The following XKR9 variants were observed in gnomAD, a reference collection of about 807,000 sequenced individuals.
XKR9 encodes XK-related protein 9.
In XKR9, 32 loss-of-function variants were observed where a neutral mutation model predicts 32.0. The observed-to-expected ratio is 1.00, with a 90% CI of 0.76 to 1.34. The LOEUF is 1.34. Ranked by LOEUF, XKR9 falls within the 40% of genes most tolerant of loss-of-function variation. The pLI, the probability that XKR9 is intolerant of heterozygous loss-of-function variation, is 0.00. For synonymous variants in XKR9, 168 were observed against 143.4 expected (o/e 1.17, Z -1.22); for missense variants, 546 against 429.7 (o/e 1.27, Z -2.39).
At chr8:70,996,359 T>C in the XKR9 span, among the ~76,000 whole-genome samples, 3 of 152,350 alleles carry the variant, frequency 2.0e-5, no homozygotes, top group South Asian at 6.2e-4. Context: ...TTTGAACAAC[T>C]TGTGGCAATT....
At chr8:70,882,796 TAG>T in the XKR9 span, among the ~76,000 whole-genome samples, 1 of 151,964 alleles carries the variant, frequency 6.6e-6, no homozygotes, top group Non-Finnish European at 1.5e-5. Flanking sequence ...CAGTTTACAT[TAG>T]AGTTCATTTT....
At chr8:70,888,772 G>C in the XKR9 span, among the ~76,000 whole-genome samples, 124 of 151,970 alleles carry the variant, frequency 8.2e-4, no homozygotes, top group African/African-American at 3.0e-3. Flanking sequence ...GTAAATGCAT[G>C]GACTTATATG....
chr8:70,854,974 C>T, the XKR9 span, among the ~76,000 whole-genome samples: 1 of 152,070 alleles, frequency 6.6e-6, no homozygotes, highest in Non-Finnish European at 1.5e-5. Context: ...CAGCTTTGTT[C>T]TTTTGGCTTA....
intron 4 of XKR9, among the ~76,000 whole-genome samples, chr8:70,730,613 G>T (rs1014658454): frequency 6.6e-6 from 1 of 152,022 alleles, no homozygotes; most frequent in Non-Finnish European, 1.5e-5. Flanking sequence ...TCTCCCCAAG[G>T]GTAGTTCAGA....
the XKR9 span, among the ~76,000 whole-genome samples, chr8:70,901,647 A>G: frequency 6.6e-6 from 1 of 152,190 alleles, no homozygotes; most frequent in Non-Finnish European, 1.5e-5. Flanking sequence ...TTTGCTGTGC[A>G]GAAGCTCTTT....
Position 70,753,184 on chromosome 8 carries a change from C to T in XKR9, n.353-36155C>T, listed in dbSNP as rs28759795. The stretch of plus-strand genomic sequence containing the variant: ...ATCTAGAAGAAATGGATAAATTCCT[C>T]GACACATACACCCTCCCAACACTAA... On this transcript the variant is annotated intron_variant and non_coding_transcript_variant, in intron 2 of 3. Coordinates refer to the XKR9 transcript ENST00000520273. Among the ~76,000 whole-genome samples the T allele has an allele frequency of 6.2e-3, 949 of 152,222 alleles. 14 individuals carry two copies. Among genetic ancestry groups the T allele is most frequent in the African/African-American group, 0.021 (882 of 41,486 alleles).
chr8:70,761,984 GT>G (rs1244761044), intron 2 of XKR9, among the ~76,000 whole-genome samples: 2 of 151,928 alleles, frequency 1.3e-5, no homozygotes, highest in Non-Finnish European at 2.9e-5. Flanking sequence ...TTTTTGTCAG[GT>G]TTGTTGAAGA....
intron 3 of XKR9, among the ~76,000 whole-genome samples, chr8:70,701,044 G>T (rs914378005): frequency 6.6e-6 from 1 of 152,180 alleles, no homozygotes; most frequent in Non-Finnish European, 1.5e-5. Context: ...TCGGAAAAGC[G>T]CAGTATTCGG....
At chr8:70,774,482 C>A (rs1420411987) in intron 2 of XKR9, among the ~76,000 whole-genome samples, 1 of 152,116 alleles carries the variant, frequency 6.6e-6, no homozygotes, top group Non-Finnish European at 1.5e-5. Context: ...CAATATTTGC[C>A]TACCCTTCAG....
intron 3 of XKR9, among the ~76,000 whole-genome samples, chr8:70,706,225 A>AT (rs772231267): frequency 2.0e-5 from 3 of 151,824 alleles, no homozygotes; most frequent in Admixed American, 1.3e-4. Context: ...AAATGTTTCA[A>AT]TTTTTTTTGT....
chr8:70,838,079 C>T, the XKR9 span, among the ~76,000 whole-genome samples: 57 of 151,924 alleles, frequency 3.8e-4, no homozygotes, highest in African/African-American at 1.2e-3. Context: ...GAGGACTTAC[C>T]GACTGCTGAA....
At chr8:70,886,180 C>T in the XKR9 span, among the ~76,000 whole-genome samples, 203 of 152,190 alleles carry the variant, frequency 1.3e-3, no homozygotes, top group Admixed American at 2.2e-3. Context: ...TGAGAATGAT[C>T]GTTTCCAGCT....
the XKR9 span, among the ~76,000 whole-genome samples, chr8:71,065,424 G>C: frequency 6.6e-6 from 1 of 152,194 alleles, no homozygotes; most frequent in African/African-American, 2.4e-5. Context: ...GCCCCTACCA[G>C]ATCTGGACCG....
chr8:70,997,729 A>G, the XKR9 span, among the ~76,000 whole-genome samples: 1 of 152,178 alleles, frequency 6.6e-6, no homozygotes, highest in Non-Finnish European at 1.5e-5. Flanking sequence ...TCTTCATGTA[A>G]CCAAATACCA....
chr8:70,828,404 G>T, the XKR9 span, among the ~76,000 whole-genome samples: 1 of 152,170 alleles, frequency 6.6e-6, no homozygotes, highest in South Asian at 2.1e-4. Context: ...TGGGGGTAGT[G>T]GGTTGAACAC....
intron 3 of XKR9, among the ~76,000 whole-genome samples, chr8:70,696,750 T>C (rs978732818): frequency 3.3e-5 from 5 of 151,360 alleles, no homozygotes; most frequent in Admixed American, 2.6e-4. Flanking sequence ...GGGGATGACA[T>C]TGAATCTATA....
downstream of XKR9, among the ~76,000 whole-genome samples, chr8:70,740,903 C>A (rs947344662): frequency 6.6e-6 from 1 of 152,212 alleles, no homozygotes; most frequent in South Asian, 2.1e-4. Context: ...AGTTAGGCTG[C>A]TCGGGGTCAG....
At chr8:70,698,698 G>A (rs905492592) in intron 3 of XKR9, among the ~76,000 whole-genome samples, 14 of 152,240 alleles carry the variant, frequency 9.2e-5, no homozygotes, top group Admixed American at 2.0e-4. Flanking sequence ...ATGTCTATTA[G>A]GTCCGCTTGG....
rs570415582 is a variant in XKR9, at chr8:70,683,841, A to G, written c.272+2511A>G. On this transcript the variant is annotated intron_variant, in intron 3 of 4. Coordinates refer to ENST00000408926, the MANE Select transcript of XKR9 (RefSeq NM_001011720.2). ...AGGTCTGCCTTTTAGAATTTCATCT[A>G]TTGACGGGCTGTTGGTGACATCACC... Among the ~76,000 whole-genome samples, 6 of 152,248 alleles carry G rather than the reference A, an allele frequency of 3.9e-5. No homozygotes were observed. In the South Asian group the frequency reaches 6.2e-4, roughly 16 times the overall value.
Sources: gnomAD v4.1 joint callset for allele counts (sites outside exome capture counted in the v4.1 genomes callset) on GRCh38, gnomAD v4.1.1 for gene constraint, MANE v1.5 for transcripts, NCBI Gene and HGNC (gene_info 2026-07-23, HGNC 2026-07-21) for gene names.